Variants in ZNF66 observed in about 807,000 individuals in gnomAD.
The protein encoded by ZNF66 is putative zinc finger protein 66.
In ZNF66, 32 loss-of-function variants were observed where a neutral mutation model predicts 35.2. The observed-to-expected ratio is 0.91, with a 90% CI of 0.69 to 1.22. The LOEUF is 1.22. Ranked by LOEUF, ZNF66 falls within the 50% of genes most tolerant of loss-of-function variation. The pLI, the probability that ZNF66 is intolerant of heterozygous loss-of-function variation, is 0.00. For synonymous variants in ZNF66, 231 were observed against 181.3 expected (o/e 1.27, Z -2.20); for missense variants, 666 against 543.1 (o/e 1.23, Z -2.25).
intron 2 of ZNF66, among the ~76,000 whole-genome samples, chr19:20,793,196 C>A (rs1191797832): frequency 6.6e-6 from 1 of 151,910 alleles, no homozygotes; most frequent in Non-Finnish European, 1.5e-5. Flanking sequence ...AATTTACTGA[C>A]TTAAAATATT....
chr19:20,776,591 G>C (rs1971196801), intron 1 of ZNF66, 141 bp downstream of exon 1: 2 of 1,215,468 alleles, frequency 1.6e-6, no homozygotes, highest in Non-Finnish European at 2.4e-6. Context: ...ATAAGATGGC[G>C]GCTACGCTGA....
At position 20,805,918 on chromosome 19, in the gene ZNF66, T is replaced by C. The variant is rs1971499128; in HGVS notation, c.318T>C (p.Cys106=). 5 of 671,724 alleles carry C rather than the reference T, an allele frequency of 7.4e-6. No homozygotes were observed. The highest frequency in any genetic ancestry group is 1.9e-5 in the South Asian group (1 of 51,328). The allele number at this position is 671,724 out of a possible 1,614,324, so 41.6% of individuals were successfully genotyped here. A position where few individuals can be genotyped will look rare whatever the true frequency, so the allele number is the denominator to read the frequency against. ...QKLILRRHKK[C]GHDNLQLKKG... Reference sequence around the variant, plus strand: ...TGATACTGAGAAGGCATAAAAAATGTGGACATGATAATTTGCAGTTAAAAA... The same window carrying C: ...TGATACTGAGAAGGCATAAAAAATGCGGACATGATAATTTGCAGTTAAAAA... Residue 106 remains cysteine, a synonymous_variant, in exon 4 of 4, where the codon TGT becomes TGC. Coordinates refer to ENST00000344519, the MANE Select transcript of ZNF66 (RefSeq NM_001355197.2).
rs758053826 is a variant in ZNF66 at position 20,806,452 on chromosome 19, C to T, written c.852C>T (p.Pro284=). The T allele has an allele frequency of 2.6e-6, 4 of 1,543,980 alleles. No homozygotes were observed. In the African/African-American group the frequency reaches 4.1e-5, roughly 16 times the overall value. ...THKRIHTGEK[P]YKCEECGKVF... is the part of the protein sequence containing the mutation. ...AGAGAATTCATACTGGAGAGAAACC[C>T]TACAAATGTGAAGAATGTGGCAAAG... The change falls in exon 4 of 4, where the codon CCC becomes CCT. Residue 284 remains proline, a synonymous_variant. Transcript: ENST00000344519.
intron 1 of ZNF66, among the ~76,000 whole-genome samples, chr19:20,777,170 T>G (rs1971203201): frequency 6.7e-6 from 1 of 150,022 alleles, no homozygotes; most frequent in African/African-American, 2.5e-5. Flanking sequence ...TATCAAACAA[T>G]TTAATCAAAG....
Position 20,791,496 on chromosome 19 carries a change from A to AAAAAG in ZNF66, c.4-1012_4-1011insGAAAA, listed in dbSNP as rs1555782524. On this transcript the variant is annotated intron_variant, in intron 1 of 3. Coordinates refer to ENST00000344519, the MANE Select transcript of ZNF66 (RefSeq NM_001355197.2). Reference sequence around the variant, plus strand: ...GTGAGACTTAATCTCAAAAAAAAAAAAAAAAAAAAGAAAATTGCTCATTTA... The same window carrying AAAAAG: ...GTGAGACTTAATCTCAAAAAAAAAAAAAAAGAAAAAAAAAGAAAATTGCTCATTTA... Among the ~76,000 whole-genome samples, 163 of 149,702 alleles carry AAAAAG rather than the reference A, an allele frequency of 1.1e-3. 2 individuals carry two copies. The highest frequency in any genetic ancestry group is 3.4e-3 in the African/African-American group (138 of 40,906).
At chr19:20,777,604 C>T (rs1467873935) in intron 1 of ZNF66, among the ~76,000 whole-genome samples, 4 of 151,436 alleles carry the variant, frequency 2.6e-5, no homozygotes, top group Non-Finnish European at 5.9e-5. Context: ...TCAAGTGTCC[C>T]CCATGTTCCT....
chr19:20,780,418 T>A (rs1381394954), intron 1 of ZNF66, among the ~76,000 whole-genome samples: 2 of 152,166 alleles, frequency 1.3e-5, no homozygotes, highest in African/African-American at 4.8e-5. Flanking sequence ...ATAACTACAG[T>A]GTTTTGCTAA....
chr19:20,788,742 T>G (rs915845105), intron 1 of ZNF66, among the ~76,000 whole-genome samples: 3 of 152,160 alleles, frequency 2.0e-5, no homozygotes, highest in African/African-American at 7.2e-5. Flanking sequence ...AGTGTACATA[T>G]TTATTTTCTA....
chr19:20,801,637 A>G (rs7256021), intron 3 of ZNF66, among the ~76,000 whole-genome samples: 112,865 of 151,750 alleles, frequency 0.74, 42,374 homozygotes, highest in Non-Finnish European at 0.79. Context: ...GAGCCACTGC[A>G]TCCGGCCTCA....
chr19:20,790,196 C>T (rs990297247), intron 1 of ZNF66, among the ~76,000 whole-genome samples: 3 of 121,852 alleles, frequency 2.5e-5, no homozygotes. Context: ...TAGTGATTAT[C>T]AGCCCAGGGT....
intron 1 of ZNF66, 90 bp from the exon 2 acceptor site, chr19:20,792,422 G>A (rs564271329): frequency 1.3e-4 from 153 of 1,215,590 alleles, no homozygotes; most frequent in Admixed American, 2.2e-4. Flanking sequence ...GTCAGAACCA[G>A]TTATCTTTAC....
intron 1 of ZNF66, among the ~76,000 whole-genome samples, chr19:20,790,047 A>G (rs1971321758): frequency 6.6e-6 from 1 of 152,198 alleles, no homozygotes; most frequent in South Asian, 2.1e-4. Context: ...GGGGAGCAAC[A>G]TCAGCTTTGA....
chr19:20,804,366 C>T (rs894586210), intron 3 of ZNF66, among the ~76,000 whole-genome samples: 3 of 152,206 alleles, frequency 2.0e-5, no homozygotes, highest in Admixed American at 6.5e-5. Flanking sequence ...GCCTCAGCCT[C>T]CTCAGTAACT....
At chr19:20,803,960 T>G (rs554773538) in intron 3 of ZNF66, among the ~76,000 whole-genome samples, 1 of 152,268 alleles carries the variant, frequency 6.6e-6, no homozygotes, top group African/African-American at 2.4e-5. Flanking sequence ...TGTTATATCA[T>G]GAGACTATGC....
intron 1 of ZNF66, among the ~76,000 whole-genome samples, chr19:20,781,939 A>G (rs1971249370): frequency 6.6e-6 from 1 of 151,216 alleles, no homozygotes; most frequent in South Asian, 2.1e-4. Context: ...TAAATCTTTT[A>G]TTTTATTTTA....
At position 20,806,247 on chromosome 19, in the gene ZNF66, T is replaced by A; in HGVS notation, c.647T>A (p.Leu216His). Residue 216 changes from leucine to histidine, a missense_variant, in exon 4 of 4, where the codon CTT becomes CAT. By Grantham distance (99) the Leu-to-His change is moderately conservative. Coordinates refer to ENST00000344519, the MANE Select transcript of ZNF66 (RefSeq NM_001355197.2). ...AAAGCCTTCAACCGGTCCTCACACC[T>A]TACTACACATAAGATAATTCATACT... The part of the protein sequence containing the change: ...CGKAFNRSSH[L>H]TTHKIIHTGE... The A allele has an allele frequency of 6.9e-7, 1 of 1,445,876 alleles. No homozygotes were observed. Among genetic ancestry groups the A allele is most frequent in the Non-Finnish European group, 9.7e-7 (1 of 1,027,524 alleles). 89.6% of individuals were successfully genotyped at this position (1,445,876 alleles called of 1,614,324 possible).
chr19:20,790,430 G>A (rs1971325966), intron 1 of ZNF66, among the ~76,000 whole-genome samples: 1 of 152,038 alleles, frequency 6.6e-6, no homozygotes, highest in Admixed American at 6.6e-5. Context: ...ATTTGGGTTT[G>A]GTAGGGACAG....
chr19:20,778,531 T>C (rs12972729), intron 1 of ZNF66, among the ~76,000 whole-genome samples: 98,312 of 151,850 alleles, frequency 0.65, 31,960 homozygotes, highest in Non-Finnish European at 0.67. Flanking sequence ...TGCCTGTAGT[T>C]TCAGCACTTT....
chr19:20,778,707 C>T (rs768809705), intron 1 of ZNF66, among the ~76,000 whole-genome samples: 17 of 149,870 alleles, frequency 1.1e-4, no homozygotes, highest in Admixed American at 2.0e-4. Context: ...GTCTTGAACC[C>T]GGGAGGTGGA....
Sources: allele counts gnomAD v4.1 joint callset (sites outside exome capture counted in the v4.1 genomes callset), GRCh38; gene constraint gnomAD v4.1.1; transcripts MANE v1.5; gene names NCBI Gene and HGNC (gene_info 2026-07-23, HGNC 2026-07-21).